Variants in RCOR3 observed in about 807,000 individuals in gnomAD.
RCOR3 encodes REST corepressor 3.
A neutral mutation model predicts 64.1 loss-of-function variants in RCOR3; 13 were observed. The observed-to-expected ratio is 0.20, with a 90% CI of 0.13 to 0.32. The LOEUF (loss-of-function observed/expected upper bound fraction) is 0.32. Among genes scored for constraint, RCOR3 ranks in the 10% least tolerant of loss-of-function variants. The pLI, the probability that RCOR3 is intolerant of heterozygous loss-of-function variation, is 1.00. For missense variants in RCOR3, 489 were observed against 701.2 expected, an observed-to-expected ratio of 0.70 and a Z score of 3.42; for synonymous variants, 215 against 239.0, an observed-to-expected ratio of 0.90 and a Z score of 0.93.
At chr1:211,283,793 G>A (rs1239415749) in intron 7 of RCOR3, among the ~76,000 whole-genome samples, 1 of 149,500 alleles carries the variant, frequency 6.7e-6, no homozygotes, top group Non-Finnish European at 1.5e-5. Flanking sequence ...GCAGACGTGA[G>A]CCAGCATGCC....
chr1:211,290,515 T>C (rs772456457), intron 8 of RCOR3, among the ~76,000 whole-genome samples: 1 of 152,184 alleles, frequency 6.6e-6, no homozygotes, highest in Non-Finnish European at 1.5e-5. Flanking sequence ...ATAACTATCT[T>C]GTGGATTCTT....
Position 211,271,270 on chromosome 1 carries a change from C to G in RCOR3, c.262C>G (p.Leu88Val). 6.2e-7 allele frequency: 1 copy of G among 1,613,820 alleles called. No individual in the cohort carries two copies. Among genetic ancestry groups the G allele is most frequent in the Non-Finnish European group, 8.5e-7 (1 of 1,179,838 alleles). ...KYTDKDNGGM[L>V]VWSPYHSIPD... Reference sequence around the variant, plus strand: ...CACAGATAAAGACAATGGAGGGATGCTTGTATGGTCTCCATATCACAGTAT... The same window carrying G: ...CACAGATAAAGACAATGGAGGGATGGTTGTATGGTCTCCATATCACAGTAT... The change falls in exon 3 of 12, where the codon CTT becomes GTT. Residue 88 changes from leucine to valine, a missense_variant. By Grantham distance (32) the Leu-to-Val change is conservative. This residue lies in a region of RCOR3 where 402 missense variants were observed against 617.0 expected (regional missense o/e 0.65). Transcript: ENST00000419091.
At position 211,293,732 on chromosome 1, in the gene RCOR3, A is replaced by G. The variant is rs558504007; in HGVS notation, c.940-1944A>G. Among the ~76,000 whole-genome samples the G allele has an allele frequency of 2.8e-4, 42 of 152,318 alleles. 2 individuals are homozygous for G. The South Asian group carries it at 5.2e-3, about 19-fold the overall frequency. ...CTTTACATTTTATCTCTGTATGTCT[A>G]TCTAACATGGCCAGCTGACTACCCT... On this transcript the variant is annotated intron_variant, in intron 8 of 11. Transcript: ENST00000419091.
intron 8 of RCOR3, chr1:211,291,687 C>A: frequency 2.5e-6 from 1 of 406,256 alleles, no homozygotes; most frequent in South Asian, 1.8e-5. Flanking sequence ...CCTGGTTATT[C>A]ACCCAAACTG....
intron 5 of RCOR3, 41 bp downstream of exon 5, chr1:211,276,459 A>T (rs1696963072): frequency 1.3e-6 from 2 of 1,539,840 alleles, no homozygotes; most frequent in Non-Finnish European, 1.8e-6. Flanking sequence ...TATGTGAATG[A>T]TATCTTAAGC....
At chr1:211,272,735 C>T (rs1013067026) in intron 3 of RCOR3, among the ~76,000 whole-genome samples, 47 of 144,562 alleles carry the variant, frequency 3.3e-4, no homozygotes, top group African/African-American at 1.1e-3. Context: ...CATTCTCCTG[C>T]CTCAGCCTCC....
chr1:211,290,825 A>G (rs1399444562), intron 8 of RCOR3, among the ~76,000 whole-genome samples: 1 of 152,218 alleles, frequency 6.6e-6, no homozygotes, highest in African/African-American at 2.4e-5. Context: ...CAGTAGAGGT[A>G]GACAGGGATT....
intron 7 of RCOR3, among the ~76,000 whole-genome samples, chr1:211,286,265 A>G (rs767015375): frequency 6.9e-6 from 1 of 145,912 alleles, no homozygotes; most frequent in African/African-American, 2.5e-5. Context: ...CTCTTACTCA[A>G]TTTTCTTTCC....
chr1:211,267,978 C>G (rs1259160610), intron 2 of RCOR3: 1 of 277,196 alleles, frequency 3.6e-6, no homozygotes, highest in East Asian at 1.6e-4. Context: ...TATTTTAATT[C>G]AGACTTTCTG....
intron 5 of RCOR3, among the ~76,000 whole-genome samples, chr1:211,277,132 A>G (rs1419059905): frequency 1.3e-5 from 2 of 151,418 alleles, no homozygotes; most frequent in Non-Finnish European, 2.9e-5. Flanking sequence ...ATATTATTTC[A>G]ATATTGTCCA....
At position 211,312,675 on chromosome 1, in the gene RCOR3, T is replaced by G. The variant is rs762983642; in HGVS notation, c.1076-45T>G. 4.5e-6 allele frequency: 6 copies of G among 1,343,176 alleles called. No individual in the cohort carries two copies. The highest frequency in any genetic ancestry group is 6.4e-6 in the Non-Finnish European group (6 of 936,956). The allele number at this position is 1,343,176 out of a possible 1,614,324, so 83.2% of individuals were successfully genotyped here. A position where few individuals can be genotyped will look rare whatever the true frequency, so the allele number is the denominator to read the frequency against. On this transcript the variant is annotated intron_variant, in intron 10 of 11. Transcript: ENST00000419091. The surrounding 1 kb of genome is among the most constrained non-coding windows in gnomAD (Gnocchi z 5.0). ...GCATGATGTATAGTACACACAGCTC[T>G]CCTTATTGATCCTTCACAGGTGTAT...
intron 7 of RCOR3, among the ~76,000 whole-genome samples, chr1:211,286,013 GTTTATC>G (rs1316848399): frequency 1.3e-5 from 2 of 151,978 alleles, no homozygotes; most frequent in African/African-American, 4.8e-5. Context: ...TATTTGCCTG[GTTTATC>G]TTTATCATTT....
chr1:211,264,231 T>C (rs1694832414), intron 2 of RCOR3, among the ~76,000 whole-genome samples: 1 of 152,210 alleles, frequency 6.6e-6, no homozygotes. Context: ...ATGGAGATTG[T>C]TGACCCATAG....
chr1:211,299,924 T>A (rs1452652275), intron 9 of RCOR3, among the ~76,000 whole-genome samples: 1 of 152,122 alleles, frequency 6.6e-6, no homozygotes, highest in Non-Finnish European at 1.5e-5. Context: ...AATATTAAAA[T>A]CAATAACTTA....
intron 5 of RCOR3, among the ~76,000 whole-genome samples, chr1:211,276,810 G>A (rs1016248408): frequency 3.3e-5 from 5 of 151,898 alleles, no homozygotes; most frequent in Admixed American, 6.6e-5. Flanking sequence ...ATATTAGGCC[G>A]GGCGCGGTGG....
chr1:211,282,589 C>A (rs6702366), intron 7 of RCOR3, among the ~76,000 whole-genome samples: 74,685 of 151,352 alleles, frequency 0.49, 21,081 homozygotes, highest in East Asian at 0.62. Context: ...GCAACCTCCA[C>A]CTGGGCTCAA....
chr1:211,306,673 T>C lies in RCOR3; in HGVS notation c.1075+2533T>C, dbSNP rs137935882. ...AACATATTGAGATCATTTCCTTTCG[T>C]AGGGCTTAAATATGTATTTCCCACC... On this transcript the variant is annotated intron_variant, in intron 10 of 11. Coordinates refer to ENST00000419091, the MANE Select transcript of RCOR3 (RefSeq NM_001136223.3). Among the ~76,000 whole-genome samples, 8 of 152,320 alleles carry C rather than the reference T, an allele frequency of 5.3e-5. No homozygotes were observed. The East Asian group carries it at 1.5e-3, about 29-fold the overall frequency.
At chr1:211,266,482 C>T (rs1048953158) in intron 2 of RCOR3, among the ~76,000 whole-genome samples, 2 of 152,130 alleles carry the variant, frequency 1.3e-5, no homozygotes, top group African/African-American at 4.8e-5. Context: ...TTACTTAAAA[C>T]TGAAGACAAC....
chr1:211,289,642 G>A (rs1238645518), intron 8 of RCOR3, among the ~76,000 whole-genome samples: 1 of 152,148 alleles, frequency 6.6e-6, no homozygotes, highest in African/African-American at 2.4e-5. Flanking sequence ...AAGCTTCAAT[G>A]TTCTATCTAT....
Sources: allele counts gnomAD v4.1 joint callset (sites outside exome capture counted in the v4.1 genomes callset), GRCh38; gene constraint gnomAD v4.1.1; regional missense constraint gnomAD v4.1.1; non-coding constraint Gnocchi (gnomAD v3.1); transcripts MANE v1.5; gene names NCBI Gene and HGNC (gene_info 2026-07-23, HGNC 2026-07-21).